The following BFAR variants were observed in gnomAD, a reference collection of about 807,000 sequenced individuals.
The protein encoded by BFAR is RING finger protein 47.
A neutral mutation model predicts 54.4 loss-of-function variants in BFAR; 52 were observed. That is an observed-to-expected ratio of 0.96 (90% CI 0.77 to 1.21). BFAR has a LOEUF of 1.21. BFAR is among the 50% of genes most tolerant of loss of function. The pLI is 0.00. For synonymous variants in BFAR, 215 were observed against 204.3 expected (o/e 1.05, Z -0.45); for missense variants, 571 against 534.0 (o/e 1.07, Z -0.68).
Position 14,644,543 on chromosome 16 carries a change from A to T in BFAR, c.197A>T (p.Lys66Met). 1 of 1,614,174 alleles carries T rather than the reference A, an allele frequency of 6.2e-7. No individual in the cohort carries two copies. Reference sequence around the variant, plus strand: ...CTTGCTTTATGGTGGGCATCTTCAAAGAAAACAGAATGTCCAGAATGCAGA... The same window carrying T: ...CTTGCTTTATGGTGGGCATCTTCAATGAAAACAGAATGTCCAGAATGCAGA... ...HCLALWWASS[K>M]KTECPECREK... is the part of the protein sequence containing the mutation. Residue 66 changes from lysine to methionine, a missense_variant, in exon 2 of 8, where the codon AAG becomes ATG. Coordinates refer to ENST00000261658, the MANE Select transcript of BFAR (RefSeq NM_016561.3).
At chr16:14,662,188 A>G (rs1214106436) in intron 6 of BFAR, 123 bp downstream of exon 6, 6 of 1,141,342 alleles carry the variant, frequency 5.3e-6, no homozygotes, top group Non-Finnish European at 7.7e-6. Context: ...AATGTCTGGT[A>G]GGTCATTTGA....
intron 3 of BFAR, 42 bp downstream of exon 3, chr16:14,648,634 A>G (rs373521116): frequency 5.6e-6 from 7 of 1,241,852 alleles, no homozygotes; most frequent in Non-Finnish European, 6.6e-6. Context: ...CCCACACCTC[A>G]CCCCCCGACC....
Position 14,644,533 on chromosome 16 carries a change from G to C in BFAR, c.187G>C (p.Ala63Pro). The change falls in exon 2 of 8, where the codon GCA (alanine) becomes CCA (proline). Residue 63 changes from alanine (A) to proline (P), a missense_variant. Physicochemically the swap from Ala to Pro is conservative, Grantham distance 27. Coordinates refer to ENST00000261658, the MANE Select transcript of BFAR (RefSeq NM_016561.3). ...CCGTCACTGCCTTGCTTTATGGTGGGCATCTTCAAAGAAAACAGAATGTCC... is the reference window on the plus strand; with the variant it reads ...CCGTCACTGCCTTGCTTTATGGTGGCCATCTTCAAAGAAAACAGAATGTCC... ...FCRHCLALWW[A>P]SSKKTECPEC... The C allele has an allele frequency of 6.2e-7, 1 of 1,613,998 alleles. No homozygotes were observed. Among genetic ancestry groups the C allele is most frequent in the Non-Finnish European group, 8.5e-7 (1 of 1,179,964 alleles).
At chr16:14,648,312 A>C (rs993232805) in intron 2 of BFAR, 76 bp from the exon 3 acceptor site, 4 of 1,161,290 alleles carry the variant, frequency 3.4e-6, no homozygotes, top group Admixed American at 3.8e-5. Context: ...GATGTTGACT[A>C]TCAGGGCTTT....
chr16:14,664,766 G>T (rs1409864858), intron 6 of BFAR, 103 bp from the exon 7 acceptor site: 2 of 1,107,888 alleles, frequency 1.8e-6, no homozygotes, highest in African/African-American at 3.1e-5. Context: ...TCCCAAAGTG[G>T]TGGGATTACA....
intron 5 of BFAR, among the ~76,000 whole-genome samples, chr16:14,659,240 T>TGTTG (rs1567493895): frequency 3.4e-5 from 5 of 147,768 alleles, no homozygotes; most frequent in Non-Finnish European, 7.5e-5. Flanking sequence ...TTTTGTTTTT[T>TGTTG]TTTGTTTTTT....
intron 5 of BFAR, among the ~76,000 whole-genome samples, chr16:14,659,225 G>GTTTTTTTTTTTTTTTTTTTTTTTTTTTT (rs1295639386): frequency 7.1e-6 from 1 of 141,304 alleles, no homozygotes. Flanking sequence ...ATGCAATTTG[G>GTTTTTTTTTTTTTTTTTTTTTTTTTTTT]TTTTTTTTGT....
chr16:14,646,814 G>C (rs996044795), intron 2 of BFAR, among the ~76,000 whole-genome samples: 3 of 152,146 alleles, frequency 2.0e-5, no homozygotes, highest in Non-Finnish European at 2.9e-5. Flanking sequence ...TAAAATATTG[G>C]AAAATTACTG....
chr16:14,639,310 GTTC>G (rs1481332691), intron 1 of BFAR, among the ~76,000 whole-genome samples: 2 of 151,484 alleles, frequency 1.3e-5, no homozygotes, highest in Non-Finnish European at 2.9e-5. Context: ...TAAGAAATAA[GTTC>G]TTTTTTTTTT....
At chr16:14,635,925 G>A (rs1423393956) in intron 1 of BFAR, among the ~76,000 whole-genome samples, 2 of 152,044 alleles carry the variant, frequency 1.3e-5, no homozygotes, top group Non-Finnish European at 2.9e-5. Flanking sequence ...CCACTGCCCC[G>A]GCCTAATGCT....
chr16:14,638,605 A>G (rs1164523005), intron 1 of BFAR, among the ~76,000 whole-genome samples: 1 of 152,220 alleles, frequency 6.6e-6, no homozygotes, highest in Non-Finnish European at 1.5e-5. Context: ...TACAATTTCT[A>G]AAGAGTTAAC....
In BFAR at chr16:14,667,827, A is replaced by G. The variant is rs1200975393; in HGVS notation, c.1353A>G (p.Ter451TrpextTer13). ...ELRRLETQVL[*>W] ...GGCGGCTGGAAACCCAGGTGTTGTG[A>G]CTGGCACTGCCCAGGCTGAGACTCT... Residue 451 changes from the stop codon to tryptophan, a stop_lost, in exon 8 of 8, where the codon TGA becomes TGG. Coordinates refer to ENST00000261658, the MANE Select transcript of BFAR (RefSeq NM_016561.3). 6.2e-7 allele frequency: 1 copy of G among 1,613,572 alleles called. No homozygotes were observed. Among genetic ancestry groups the G allele is most frequent in the Non-Finnish European group, 8.5e-7 (1 of 1,179,550 alleles).
At chr16:14,651,099 C>T (rs536498212) in intron 4 of BFAR, among the ~76,000 whole-genome samples, 1 of 152,274 alleles carries the variant, frequency 6.6e-6, no homozygotes, top group South Asian at 2.1e-4. Context: ...TCCTCTAATT[C>T]AGTTCCCACA....
intron 6 of BFAR, among the ~76,000 whole-genome samples, chr16:14,664,034 G>C (rs887013197): frequency 2.7e-4 from 41 of 152,190 alleles, no homozygotes; most frequent in African/African-American, 9.9e-4. Flanking sequence ...CTGAGGTCAG[G>C]AGTTTCAAGA....
chr16:14,639,996 A>G (rs539905671), intron 1 of BFAR, among the ~76,000 whole-genome samples: 6 of 152,082 alleles, frequency 3.9e-5, no homozygotes, highest in Non-Finnish European at 8.8e-5. Flanking sequence ...CCATCTCTGC[A>G]GAAAATTAGC....
At chr16:14,663,261 C>T (rs1041489283) in intron 6 of BFAR, among the ~76,000 whole-genome samples, 1 of 152,138 alleles carries the variant, frequency 6.6e-6, no homozygotes, top group Admixed American at 6.6e-5. Flanking sequence ...GGATTAGAGG[C>T]GTGAGCCACT....
At chr16:14,665,226 G>A (rs1960410404) in intron 7 of BFAR, 155 bp downstream of exon 7, 2 of 712,854 alleles carry the variant, frequency 2.8e-6, no homozygotes, top group Non-Finnish European at 4.6e-6. Context: ...GCAGTGAATA[G>A]GACAATTACC....
At chr16:14,640,542 T>G (rs889436691) in intron 1 of BFAR, among the ~76,000 whole-genome samples, 3 of 152,162 alleles carry the variant, frequency 2.0e-5, no homozygotes, top group Non-Finnish European at 4.4e-5. Context: ...GGCACCTCAT[T>G]TAACTTAGAA....
At chr16:14,666,860 G>A (rs1960455747) in intron 7 of BFAR, among the ~76,000 whole-genome samples, 1 of 152,058 alleles carries the variant, frequency 6.6e-6, no homozygotes, top group African/African-American at 2.4e-5. Context: ...AGATCTTTTG[G>A]TAAAGAAGAC....
Sources: allele counts gnomAD v4.1 joint callset (sites outside exome capture counted in the v4.1 genomes callset), GRCh38; gene constraint gnomAD v4.1.1; transcripts MANE v1.5; gene names NCBI Gene and HGNC (gene_info 2026-07-23, HGNC 2026-07-21).